ADAM32: variants seen among roughly 807,000 people sequenced by gnomAD.
The protein encoded by ADAM32 is ADAM metallopeptidase domain 32.
In ADAM32, 89 loss-of-function variants were observed where a neutral mutation model predicts 114.9. The ratio of observed to expected loss-of-function variants is 0.77; its 90% CI spans 0.65 to 0.92. ADAM32 has a LOEUF of 0.92. Among genes scored for constraint, ADAM32 ranks in the 40% least tolerant of loss-of-function variants. The probability of loss-of-function intolerance (pLI) is 0.00; values close to 1 mark genes in which losing one functional copy is unlikely to be tolerated. For synonymous variants in ADAM32, 285 were observed against 307.5 expected (o/e 0.93, Z 0.77); for missense variants, 870 against 932.8 (o/e 0.93, Z 0.88).
At chr8:39,196,767 T>C (rs1268488983) in intron 11 of ADAM32, among the ~76,000 whole-genome samples, 1 of 152,146 alleles carries the variant, frequency 6.6e-6, no homozygotes, top group Non-Finnish European at 1.5e-5. Context: ...TTTGTGTCTA[T>C]GTTCATTGGG....
intron 10 of ADAM32, among the ~76,000 whole-genome samples, chr8:39,176,690 T>C (rs568247057): frequency 6.6e-6 from 1 of 152,344 alleles, no homozygotes; most frequent in Non-Finnish European, 1.5e-5. Flanking sequence ...TTTCTGTAGA[T>C]ATCTATCAGG....
intron 6 of ADAM32, chr8:39,157,826 G>T: frequency 1.2e-6 from 1 of 818,600 alleles, no homozygotes; most frequent in South Asian, 1.5e-5. Context: ...TATAGTCAGT[G>T]GAGGCACTGA....
intron 17 of ADAM32, among the ~76,000 whole-genome samples, chr8:39,252,260 A>G (rs1811354435): frequency 6.6e-6 from 1 of 151,734 alleles, no homozygotes; most frequent in African/African-American, 2.4e-5. Context: ...GTATTTTCTG[A>G]CCACACTAGA....
At chr8:39,242,942 A>G (rs1305043999) in intron 16 of ADAM32, among the ~76,000 whole-genome samples, 6 of 152,228 alleles carry the variant, frequency 3.9e-5, no homozygotes, top group Non-Finnish European at 8.8e-5. Flanking sequence ...TAGAAATGAA[A>G]TGGGAGATAT....
intron 3 of ADAM32, among the ~76,000 whole-genome samples, chr8:39,142,221 A>G (rs1803205853): frequency 6.6e-6 from 1 of 152,122 alleles, no homozygotes; most frequent in African/African-American, 2.4e-5. Context: ...TAATATTGTT[A>G]TGTGTGAATT....
At chr8:39,159,844 A>G (rs543596175) in intron 6 of ADAM32, among the ~76,000 whole-genome samples, 98 of 152,280 alleles carry the variant, frequency 6.4e-4, no homozygotes, top group Non-Finnish European at 1.1e-3. Flanking sequence ...AAGCCACACC[A>G]GGAATATGGG....
chr8:39,207,528 C>T (rs556588828), intron 11 of ADAM32, among the ~76,000 whole-genome samples: 1 of 152,156 alleles, frequency 6.6e-6, no homozygotes, highest in Non-Finnish European at 1.5e-5. Context: ...ATATCCATCA[C>T]TATAAACATT....
At chr8:39,190,679 G>A (rs1358540938) in intron 11 of ADAM32, among the ~76,000 whole-genome samples, 2 of 152,186 alleles carry the variant, frequency 1.3e-5, no homozygotes, top group African/African-American at 2.4e-5. Context: ...AGAAAAGAGA[G>A]CAGTTTGGCA....
intron 2 of ADAM32, chr8:39,132,116 C>A (rs1362175089): frequency 6.0e-6 from 1 of 166,184 alleles, no homozygotes; most frequent in Non-Finnish European, 1.3e-5. Flanking sequence ...TGATCTCGAA[C>A]TCCCGACCTC....
intron 3 of ADAM32, among the ~76,000 whole-genome samples, chr8:39,138,786 A>T (rs1802964990): frequency 6.6e-6 from 1 of 152,200 alleles, no homozygotes; most frequent in Non-Finnish European, 1.5e-5. Context: ...TTACACACCC[A>T]CCAACAGTGT....
chr8:39,254,863 C>G (rs929201541), intron 18 of ADAM32, among the ~76,000 whole-genome samples: 56 of 151,924 alleles, frequency 3.7e-4, no homozygotes, highest in African/African-American at 1.3e-3. Flanking sequence ...ACCTCACCTA[C>G]TCCTATCCTT....
chr8:39,275,667 G>A (rs1487607539), intron 21 of ADAM32, among the ~76,000 whole-genome samples, 161 bp from the exon 22 acceptor site: 1 of 152,162 alleles, frequency 6.6e-6, no homozygotes, highest in Non-Finnish European at 1.5e-5. Flanking sequence ...AAACTTGTTT[G>A]CATATGCTAA....
chr8:39,157,583 C>A, intron 6 of ADAM32: 1 of 540,882 alleles, frequency 1.8e-6, no homozygotes, highest in Admixed American at 2.2e-5. Context: ...TGAGTGGTCC[C>A]ATGAATGCTT....
chr8:39,279,315 G>A (rs1322123191), intron 22 of ADAM32, among the ~76,000 whole-genome samples: 1 of 151,832 alleles, frequency 6.6e-6, no homozygotes, highest in Non-Finnish European at 1.5e-5. Flanking sequence ...TTTAAGCGGA[G>A]TCTCTGTTGC....
At chr8:39,144,009 G>A (rs1386101061) in intron 3 of ADAM32, among the ~76,000 whole-genome samples, 1 of 152,198 alleles carries the variant, frequency 6.6e-6, no homozygotes, top group Non-Finnish European at 1.5e-5. Context: ...AGGCTCCATG[G>A]GCATGGGACC....
At chr8:39,162,463 A>G (rs896448945) in intron 7 of ADAM32, among the ~76,000 whole-genome samples, 5 of 152,188 alleles carry the variant, frequency 3.3e-5, no homozygotes, top group African/African-American at 4.8e-5. Context: ...TAGTGCTGCA[A>G]TAAACATACG....
intron 16 of ADAM32, among the ~76,000 whole-genome samples, chr8:39,236,014 A>G (rs1810113834): frequency 6.6e-6 from 1 of 152,202 alleles, no homozygotes; most frequent in Admixed American, 6.5e-5. Context: ...ACATTTTTTA[A>G]AAAAGTATTA....
In ADAM32 at chr8:39,116,890, C is replaced by CTT. The variant is rs35222823; in HGVS notation, c.59-1186_59-1185dup. 2.3e-3 allele frequency among the ~76,000 whole-genome samples: 334 copies of CTT among 147,760 alleles called. 8 individuals are homozygous for CTT. Among genetic ancestry groups the CTT allele is most frequent in the Non-Finnish European group, 2.3e-3 (155 of 66,674 alleles). ...TTGTGGCATTTAATGATTATGGTTA[C>CTT]TTTTTTTTTTTGAGACAGAGTCTTT... On this transcript the variant is annotated intron_variant, in intron 1 of 24. Transcript: ENST00000379907.
chr8:39,217,768 C>T (rs1808690024), intron 12 of ADAM32, among the ~76,000 whole-genome samples: 1 of 152,106 alleles, frequency 6.6e-6, no homozygotes, highest in Admixed American at 6.5e-5. Flanking sequence ...AATTCCTTCT[C>T]TGTGTTGTCT....
Sources: allele counts gnomAD v4.1 joint callset (sites outside exome capture counted in the v4.1 genomes callset), GRCh38; gene constraint gnomAD v4.1.1; transcripts MANE v1.5; gene names NCBI Gene and HGNC (gene_info 2026-07-23, HGNC 2026-07-21).